GULP1: variants seen among roughly 807,000 people sequenced by gnomAD.
GULP1 encodes PTB domain-containing engulfment adapter protein 1.
GULP1 carries 19 observed loss-of-function variants against 40.9 expected under a neutral mutation model. The observed-to-expected ratio is 0.46, with a 90% CI of 0.32 to 0.68. The LOEUF (loss-of-function observed/expected upper bound fraction) is 0.68, where lower values mean the gene tolerates loss of function less well. Among genes scored for constraint, GULP1 ranks in the 30% least tolerant of loss-of-function variants. The pLI, the probability that GULP1 is intolerant of heterozygous loss-of-function variation, is 0.03. For missense variants in GULP1, 312 were observed against 362.2 expected (o/e 0.86, Z 1.12); for synonymous variants, 119 against 117.6 (o/e 1.01, Z -0.08).
intron 2 of GULP1, among the ~76,000 whole-genome samples, chr2:188,444,458 A>G (rs1345517378): frequency 6.6e-6 from 1 of 152,206 alleles, no homozygotes; most frequent in Non-Finnish European, 1.5e-5. Context: ...CCAGGTTAAT[A>G]TTGAGAAAAC....
chr2:188,456,492 G>C (rs2059278042), intron 2 of GULP1, among the ~76,000 whole-genome samples: 1 of 152,198 alleles, frequency 6.6e-6, no homozygotes, highest in Admixed American at 6.5e-5. Flanking sequence ...CTTCCACATG[G>C]TGTTGAGCCT....
chr2:188,400,823 G>A (rs1019088095), intron 2 of GULP1, among the ~76,000 whole-genome samples: 7 of 152,036 alleles, frequency 4.6e-5, no homozygotes, highest in African/African-American at 1.7e-4. Context: ...TAGAGACAAA[G>A]GATGCTAGAG....
rs552860225 is a variant in GULP1, at chr2:188,363,448, CT to C, written c.-171-20313del. Among the ~76,000 whole-genome samples the C allele has an allele frequency of 5.3e-5, 8 of 152,174 alleles. No individual in the cohort carries two copies. The South Asian group carries it at 1.7e-3, about 32-fold the overall frequency. On this transcript the variant is annotated intron_variant, in intron 1 of 11. Coordinates refer to ENST00000409830, the MANE Select transcript of GULP1 (RefSeq NM_016315.4). ...AATTATGGAGGAGTGTAAAATTTAT[CT>C]TGAAAATTCCAAGGAAACATTGAAG... is the stretch of plus-strand genomic sequence containing the variant.
chr2:188,423,122 C>T lies in GULP1; in HGVS notation c.-45+39233C>T, dbSNP rs751515804. On this transcript the variant is annotated intron_variant, in intron 2 of 11. Transcript: ENST00000409830. ...TACAGGATGAAAGGAAAATCAGGTTCCACCAGCTAAGGGTGAACTTTGGAG... is the reference window on the plus strand; with the variant it reads ...TACAGGATGAAAGGAAAATCAGGTTTCACCAGCTAAGGGTGAACTTTGGAG... Among the ~76,000 whole-genome samples, 152 of 152,184 alleles carry T rather than the reference C, an allele frequency of 1.0e-3. 1 individual carries two copies. In the Middle Eastern group the frequency reaches 0.02, roughly 20 times the overall value.
At chr2:188,360,995 C>T (rs993190707) in intron 1 of GULP1, among the ~76,000 whole-genome samples, 1 of 151,864 alleles carries the variant, frequency 6.6e-6, no homozygotes, top group Non-Finnish European at 1.5e-5. Flanking sequence ...ATTATTTTCC[C>T]CAATAAATTA....
At chr2:188,558,023 G>C (rs1260444295) in intron 7 of GULP1, among the ~76,000 whole-genome samples, 1 of 152,120 alleles carries the variant, frequency 6.6e-6, no homozygotes, top group Non-Finnish European at 1.5e-5. Context: ...TGCTGCAAAG[G>C]TCTCTGAAAT....
chr2:188,394,600 C>T (rs1440675518), intron 2 of GULP1, among the ~76,000 whole-genome samples: 10 of 151,980 alleles, frequency 6.6e-5, no homozygotes, highest in African/African-American at 2.4e-4. Flanking sequence ...TATTATAGAA[C>T]CCTGTTTTGT....
At chr2:188,519,076 C>T (rs2153223916) in intron 4 of GULP1, among the ~76,000 whole-genome samples, 1 of 152,054 alleles carries the variant, frequency 6.6e-6, no homozygotes, top group Non-Finnish European at 1.5e-5. Context: ...AAGTATAAGG[C>T]ATAAACTTTT....
chr2:188,525,746 A>G (rs1686012110), intron 5 of GULP1, among the ~76,000 whole-genome samples: 1 of 152,174 alleles, frequency 6.6e-6, no homozygotes, highest in Non-Finnish European at 1.5e-5. Context: ...ACTGCAAGAA[A>G]ATGTAGCCGT....
chr2:188,360,810 A>G (rs1489948814), intron 1 of GULP1, among the ~76,000 whole-genome samples: 2 of 152,112 alleles, frequency 1.3e-5, no homozygotes, highest in Non-Finnish European at 2.9e-5. Context: ...TTTATTGTGA[A>G]GTTTGTATTT....
At chr2:188,336,395 C>T (rs2042254648) in intron 1 of GULP1, among the ~76,000 whole-genome samples, 1 of 152,122 alleles carries the variant, frequency 6.6e-6, no homozygotes, top group South Asian at 2.1e-4. Context: ...TATTCTTATG[C>T]AACATATATT....
chr2:188,552,869 A>T (rs1000571061), intron 7 of GULP1, among the ~76,000 whole-genome samples: 4 of 150,138 alleles, frequency 2.7e-5, no homozygotes, highest in African/African-American at 9.7e-5. Context: ...ATATATATTT[A>T]TTCCTATATA....
intron 2 of GULP1, among the ~76,000 whole-genome samples, chr2:188,455,897 A>G (rs2059216556): frequency 6.6e-6 from 1 of 152,194 alleles, no homozygotes; most frequent in Non-Finnish European, 1.5e-5. Flanking sequence ...AGTTGGTCTC[A>G]GGTGAAGAGG....
Position 188,370,094 on chromosome 2 carries a change from G to A in GULP1, c.-171-13669G>A, listed in dbSNP as rs568487114. 2.0e-5 allele frequency among the ~76,000 whole-genome samples: 3 copies of A among 152,290 alleles called. No individual in the cohort carries two copies. In the East Asian group the frequency reaches 5.8e-4, roughly 29 times the overall value. On this transcript the variant is annotated intron_variant, in intron 1 of 11. Transcript: ENST00000409830. ...TTGCTTAGGTGGAGGTTTTGTGCCA[G>A]ATCCCCACGTAAGCCTTAGATGATC...
At chr2:188,374,155 C>G (rs1489065482) in intron 1 of GULP1, among the ~76,000 whole-genome samples, 1 of 151,998 alleles carries the variant, frequency 6.6e-6, no homozygotes. Flanking sequence ...CTAACAATAA[C>G]AAATGTCTTT....
chr2:188,515,722 C>G (rs554529914), intron 4 of GULP1, among the ~76,000 whole-genome samples: 1 of 151,930 alleles, frequency 6.6e-6, no homozygotes, highest in African/African-American at 2.4e-5. Flanking sequence ...CACACACACA[C>G]ACACACACAC....
chr2:188,327,392 T>C (rs756399660), intron 1 of GULP1, among the ~76,000 whole-genome samples: 1 of 152,166 alleles, frequency 6.6e-6, no homozygotes, highest in Non-Finnish European at 1.5e-5. Flanking sequence ...TTGTGACATA[T>C]GGGAACATTT....
intron 1 of GULP1, among the ~76,000 whole-genome samples, chr2:188,350,518 A>C (rs569567917): frequency 6.6e-6 from 1 of 152,044 alleles, no homozygotes; most frequent in South Asian, 2.1e-4. Context: ...AATATAACTG[A>C]TTTTTATATA....
intron 7 of GULP1, among the ~76,000 whole-genome samples, chr2:188,552,783 A>G (rs1049770634): frequency 3.0e-4 from 46 of 151,312 alleles, no homozygotes; most frequent in Admixed American, 2.0e-3. Context: ...GTCATTGACT[A>G]TTTCTTTTAT....
Sources: allele counts gnomAD v4.1 joint callset (sites outside exome capture counted in the v4.1 genomes callset), GRCh38; gene constraint gnomAD v4.1.1; transcripts MANE v1.5; gene names NCBI Gene and HGNC (gene_info 2026-07-23, HGNC 2026-07-21).